The following CD96 variants were observed in gnomAD, a reference collection of about 807,000 sequenced individuals.
The protein encoded by CD96 is T-cell surface protein tactile.
CD96 carries 70 observed loss-of-function variants against 71.3 expected under a neutral mutation model. That is an observed-to-expected ratio of 0.98 (90% confidence interval 0.81 to 1.20). The LOEUF is 1.20. Ranked by LOEUF, CD96 falls within the 50% of genes most tolerant of loss-of-function variation. The pLI is 0.00. For synonymous variants in CD96, 248 were observed against 233.0 expected, an observed-to-expected ratio of 1.06 and a Z score of -0.59; for missense variants, 742 against 677.5, an observed-to-expected ratio of 1.10 and a Z score of -1.06.
intron 3 of CD96, among the ~76,000 whole-genome samples, chr3:111,576,494 A>C: frequency 6.6e-6 from 1 of 152,212 alleles, no homozygotes; most frequent in East Asian, 1.9e-4. Context: ...CACTGTAGAT[A>C]CTTCAGAAAG....
chr3:111,613,431 G>C (rs1194130450), intron 8 of CD96, among the ~76,000 whole-genome samples: 3 of 152,138 alleles, frequency 2.0e-5, no homozygotes, highest in Non-Finnish European at 4.4e-5. Flanking sequence ...TTTATGCAGG[G>C]TTTAGATTTA....
At chr3:111,646,754 G>T (rs1939846920) in intron 12 of CD96, among the ~76,000 whole-genome samples, 1 of 151,920 alleles carries the variant, frequency 6.6e-6, no homozygotes, top group Admixed American at 6.6e-5. Context: ...CTACCATAAA[G>T]ACACATGGAC....
intron 10 of CD96, among the ~76,000 whole-genome samples, chr3:111,631,646 T>C (rs890790395): frequency 4.7e-5 from 7 of 149,408 alleles, no homozygotes; most frequent in African/African-American, 1.5e-4. Context: ...AAAAAAACTA[T>C]TTTAAAAGAG....
intron 12 of CD96, among the ~76,000 whole-genome samples, chr3:111,642,393 A>G (rs2107770614): frequency 6.6e-6 from 1 of 152,358 alleles, no homozygotes; most frequent in South Asian, 2.1e-4. Flanking sequence ...TAGAAAACCT[A>G]GAAGAGATGG....
intron 3 of CD96, chr3:111,571,014 T>G (rs2107558641): frequency 7.0e-7 from 1 of 1,431,050 alleles, no homozygotes; most frequent in Non-Finnish European, 9.9e-7. Flanking sequence ...CTCCAGCTTC[T>G]CTTTTGGGGT....
rs146457124 is a variant in CD96 at position 111,553,568 on chromosome 3, A to G, written c.418+8166A>G. 5.3e-5 allele frequency among the ~76,000 whole-genome samples: 8 copies of G among 151,926 alleles called. No homozygotes were observed. In the South Asian group the frequency reaches 1.0e-3, roughly 20 times the overall value. On this transcript the variant is annotated intron_variant, in intron 2 of 13. Transcript: ENST00000352690. ...TCCATTAAATCATTATGATTTGCCGAATAGAAATATTCTATCATTCCCTAA... is the reference window on the plus strand; with the variant it reads ...TCCATTAAATCATTATGATTTGCCGGATAGAAATATTCTATCATTCCCTAA...
chr3:111,576,826 G>A (rs1936241267), intron 3 of CD96, among the ~76,000 whole-genome samples: 1 of 152,124 alleles, frequency 6.6e-6, no homozygotes, highest in African/African-American at 2.4e-5. Context: ...CCCAGTCCTA[G>A]GCATTTCGTT....
intron 5 of CD96, among the ~76,000 whole-genome samples, chr3:111,597,273 A>T (rs1032070639): frequency 3.9e-5 from 6 of 152,146 alleles, no homozygotes; most frequent in African/African-American, 1.5e-4. Flanking sequence ...TGGGAATCCA[A>T]TAATTCTCAC....
Position 111,606,786 on chromosome 3 carries a change from C to G in CD96, c.1174C>G (p.Pro392Ala), listed in dbSNP as rs746542904. The G allele has an allele frequency of 1.3e-6, 2 of 1,554,654 alleles. No homozygotes were observed. Among genetic ancestry groups the G allele is most frequent in the East Asian group, 2.2e-5 (1 of 44,544 alleles). Residue 392 changes from proline to alanine, a missense_variant, in exon 8 of 14, where the codon CCT becomes GCT. By Grantham distance (27) the Pro-to-Ala change is conservative (BLOSUM62 -1). Coordinates refer to ENST00000352690, the MANE Select transcript of CD96 (RefSeq NM_005816.5). The part of the protein sequence containing the change: ...TQPSPASSVS[P>A]ARYPATSSVT... ...ACCTTCTCCAGCCAGCAGTGTATCTCCTGCAAGTAAGAATGTTTTCACACT... is the reference window on the plus strand; with the variant it reads ...ACCTTCTCCAGCCAGCAGTGTATCTGCTGCAAGTAAGAATGTTTTCACACT...
At chr3:111,662,174 A>G (rs1008751253) in intron 14 of CD96, among the ~76,000 whole-genome samples, 4 of 152,218 alleles carry the variant, frequency 2.6e-5, no homozygotes, top group Admixed American at 1.3e-4. Flanking sequence ...TTTCAGGCAC[A>G]GTTGGAGCTG....
chr3:111,605,493 G>A (rs1235135233), intron 7 of CD96, among the ~76,000 whole-genome samples: 1 of 152,154 alleles, frequency 6.6e-6, no homozygotes, highest in African/African-American at 2.4e-5. Flanking sequence ...ATCATAATTA[G>A]ACTTGTGTGT....
At chr3:111,612,841 A>G (rs1420252391) in intron 8 of CD96, 2 of 978,056 alleles carry the variant, frequency 2.0e-6, no homozygotes, top group Non-Finnish European at 2.4e-6. Context: ...TTTTCCTGAG[A>G]CATGCAGCAT....
In CD96 at chr3:111,637,721, T is replaced by C. The variant is rs534280304; in HGVS notation, c.1388-358T>C. Among the ~76,000 whole-genome samples the C allele has an allele frequency of 3.6e-4, 55 of 152,152 alleles. 1 individual carries two copies. Among genetic ancestry groups the C allele is most frequent in the Admixed American group, 5.9e-4 (9 of 15,290 alleles). ...TATCCACGACCCCCAACTCTGGCCT[T>C]TTTCTGTACCACTTACATTTCTCAT... On this transcript the variant is annotated intron_variant, in intron 11 of 13. Transcript: ENST00000352690.
chr3:111,568,563 C>T (rs1019652615), intron 3 of CD96, among the ~76,000 whole-genome samples: 3 of 152,134 alleles, frequency 2.0e-5, no homozygotes, highest in South Asian at 4.1e-4. Flanking sequence ...TTTATCTAAT[C>T]GGATTTATGA....
downstream of CD96, among the ~76,000 whole-genome samples, chr3:111,656,059 A>AT (rs1940220288): frequency 6.6e-6 from 1 of 152,072 alleles, no homozygotes; most frequent in Non-Finnish European, 1.5e-5. Context: ...AGGACAAATA[A>AT]TAAAGTAAGT....
At chr3:111,591,939 C>T (rs547614900) in intron 5 of CD96, among the ~76,000 whole-genome samples, 1 of 152,176 alleles carries the variant, frequency 6.6e-6, no homozygotes, top group Non-Finnish European at 1.5e-5. Flanking sequence ...TAGGTCAGGG[C>T]CAAAGGAGGC....
intron 8 of CD96, among the ~76,000 whole-genome samples, chr3:111,614,033 C>CT (rs1355697161): frequency 2.0e-5 from 3 of 152,184 alleles, no homozygotes; most frequent in African/African-American, 4.8e-5. Context: ...GATTATTTGG[C>CT]TTTTTTGGTG....
intron 5 of CD96, chr3:111,593,593 C>G: frequency 6.4e-7 from 1 of 1,551,768 alleles, no homozygotes; most frequent in Non-Finnish European, 8.7e-7. Context: ...CTTTCTCCCG[C>G]TGGCATGCCT....
rs5851773 is a variant in CD96, at chr3:111,574,788, AT to A, written c.544-4227del. Among the ~76,000 whole-genome samples, 798 of 148,374 alleles carry A rather than the reference AT, an allele frequency of 5.4e-3. 6 individuals are homozygous for A. The highest frequency in any genetic ancestry group is 0.032 in the Middle Eastern group (9 of 282). Reference sequence around the variant, plus strand: ...TATATTTAAAAATATGAATTTTTAGATTTTTTTTTTTTGAGGCAGTGTCTCA... The same window carrying A: ...TATATTTAAAAATATGAATTTTTAGATTTTTTTTTTTGAGGCAGTGTCTCA... On this transcript the variant is annotated intron_variant, in intron 3 of 13. Transcript: ENST00000352690.
Sources: gnomAD v4.1 joint callset for allele counts (sites outside exome capture counted in the v4.1 genomes callset) on GRCh38, gnomAD v4.1.1 for gene constraint, MANE v1.5 for transcripts, NCBI Gene and HGNC (gene_info 2026-07-23, HGNC 2026-07-21) for gene names.